RAB10: variants seen among roughly 807,000 people sequenced by gnomAD.
The protein encoded by RAB10 is ras-related protein Rab-10.
Under a neutral mutation model 25.7 loss-of-function variants are expected in RAB10, and 5 were observed. The ratio of observed to expected loss-of-function variants is 0.19; its 90% CI spans 0.10 to 0.41. The LOEUF is 0.41. Ranked by LOEUF, RAB10 falls within the 10% of genes least tolerant of loss-of-function variation. The probability of loss-of-function intolerance (pLI) is 1.00; values close to 1 mark genes in which losing one functional copy is unlikely to be tolerated. For missense variants in RAB10, 103 were observed against 245.8 expected (o/e 0.42, Z 3.89); for synonymous variants, 89 against 86.4 (o/e 1.03, Z -0.16).
rs756777839 is a variant in RAB10, at chr2:26,044,547, G to GTT, written c.127+9826_127+9827dup. Among the ~76,000 whole-genome samples the GTT allele has an allele frequency of 2.3e-3, 329 of 142,388 alleles. 2 individuals are homozygous for GTT. The highest frequency in any genetic ancestry group is 0.014 in the South Asian group (61 of 4,414). 93.4% of individuals were successfully genotyped at this position (142,388 alleles called of 152,430 possible). ...GGCCAAAAGGCCACATGGCTAATTA[G>GTT]TTTTTTTTTTTTTTTGAGATAGAGT... is the stretch of plus-strand genomic sequence containing the variant. On this transcript the variant is annotated intron_variant, in intron 1 of 5. Coordinates refer to ENST00000264710, the MANE Select transcript of RAB10 (RefSeq NM_016131.5).
At chr2:26,073,076 C>T (rs1480831423) in intron 1 of RAB10, among the ~76,000 whole-genome samples, 1 of 152,174 alleles carries the variant, frequency 6.6e-6, no homozygotes, top group Non-Finnish European at 1.5e-5. Flanking sequence ...AGATTTATCT[C>T]AAGCTTATCT....
chr2:26,054,975 C>T (rs1226170689), intron 1 of RAB10, among the ~76,000 whole-genome samples: 1 of 144,916 alleles, frequency 6.9e-6, no homozygotes, highest in East Asian at 2.0e-4. Flanking sequence ...AGTGAGACCC[C>T]ACCTTAAAAA....
intron 3 of RAB10, among the ~76,000 whole-genome samples, chr2:26,126,606 C>A (rs956649404): frequency 6.6e-6 from 1 of 152,128 alleles, no homozygotes; most frequent in Non-Finnish European, 1.5e-5. Context: ...AAGAGAGATT[C>A]TTTTGATGTT....
chr2:26,132,659 T>G (rs910913199), intron 5 of RAB10, among the ~76,000 whole-genome samples: 1 of 152,176 alleles, frequency 6.6e-6, no homozygotes, highest in Non-Finnish European at 1.5e-5. Context: ...CTTTTCTTAT[T>G]CTTAGCTAGG....
intron 1 of RAB10, among the ~76,000 whole-genome samples, chr2:26,091,327 T>C (rs916366648): frequency 6.6e-6 from 1 of 151,956 alleles, no homozygotes; most frequent in South Asian, 2.1e-4. Flanking sequence ...GTGGGAAACA[T>C]AGAGAAATAT....
intron 5 of RAB10, among the ~76,000 whole-genome samples, chr2:26,128,885 G>A (rs577348675): frequency 2.0e-5 from 3 of 152,236 alleles, no homozygotes; most frequent in South Asian, 2.1e-4. Context: ...ATTTTCCCTC[G>A]AGTGAATAGG....
chr2:26,103,052 C>T (rs78482355), intron 2 of RAB10, among the ~76,000 whole-genome samples: 1,986 of 152,156 alleles, frequency 0.013, 30 homozygotes, highest in South Asian at 0.039. Flanking sequence ...GTTCATTATC[C>T]CTCCTTATTG....
Position 26,034,562 on chromosome 2 carries a change from C to T in RAB10, c.-47C>T, listed in dbSNP as rs368543284. On this transcript the variant is annotated 5_prime_UTR_variant, in exon 1 of 6. Coordinates refer to ENST00000264710, the MANE Select transcript of RAB10 (RefSeq NM_016131.5). ...AGGAGTTGGCCGTAGTGAGAGGGAC[C>T]GATCCCTTGGGGCCGCCGGCGGCGA... 16 of 1,610,962 alleles carry T rather than the reference C, an allele frequency of 9.9e-6. No homozygotes were observed. Among genetic ancestry groups the T allele is most frequent in the Admixed American group, 1.7e-5 (1 of 59,888 alleles).
chr2:26,065,512 G>A (rs1666496395), intron 1 of RAB10, among the ~76,000 whole-genome samples: 2 of 151,356 alleles, frequency 1.3e-5, no homozygotes, highest in South Asian at 4.2e-4. Context: ...TTTTTTTGTG[G>A]CACTTCAGTT....
intron 1 of RAB10, among the ~76,000 whole-genome samples, chr2:26,056,784 AC>A (rs1302918420): frequency 3.3e-5 from 5 of 151,632 alleles, no homozygotes; most frequent in African/African-American, 9.8e-5. Flanking sequence ...ATGCCACCAC[AC>A]CCAGCTAGAT....
intron 1 of RAB10, among the ~76,000 whole-genome samples, chr2:26,046,480 G>C (rs993955358): frequency 2.6e-5 from 4 of 152,190 alleles, no homozygotes; most frequent in Non-Finnish European, 5.9e-5. Flanking sequence ...GTGATTGCTT[G>C]ATGTTTATTC....
chr2:26,068,502 G>A (rs1050119087), intron 1 of RAB10, among the ~76,000 whole-genome samples: 3 of 152,106 alleles, frequency 2.0e-5, no homozygotes, highest in African/African-American at 4.8e-5. Flanking sequence ...GATTATGAGC[G>A]ATTATATGTG....
chr2:26,106,827 A>G (rs1341910430), intron 2 of RAB10, among the ~76,000 whole-genome samples: 9 of 151,934 alleles, frequency 5.9e-5, no homozygotes, highest in South Asian at 2.1e-4. Context: ...AGAGGTTGCA[A>G]TGTGCCGAGA....
chr2:26,079,142 G>A (rs1666805222), intron 1 of RAB10, among the ~76,000 whole-genome samples: 1 of 152,136 alleles, frequency 6.6e-6, no homozygotes, highest in African/African-American at 2.4e-5. Context: ...AGCTGAGATT[G>A]TGCCATTACA....
chr2:26,131,172 CA>C lies in RAB10; in HGVS notation c.519+3222del, dbSNP rs370054876. On this transcript the variant is annotated intron_variant, in intron 5 of 5. Coordinates refer to ENST00000264710, the MANE Select transcript of RAB10 (RefSeq NM_016131.5). ...AAATAAAGATCTCAGTCTAGACTTG[CA>C]GGGGTGTCCAATCTTTTGGCTTCCC... is the stretch of plus-strand genomic sequence containing the variant. Among the ~76,000 whole-genome samples the C allele has an allele frequency of 8.0e-4, 122 of 151,978 alleles. No individual in the cohort carries two copies. The South Asian group carries it at 0.019, about 24-fold the overall frequency.
Position 26,045,308 on chromosome 2 carries a change from C to T in RAB10, c.127+10573C>T, listed in dbSNP as rs190908545. 7.9e-5 allele frequency among the ~76,000 whole-genome samples: 12 copies of T among 151,430 alleles called. No homozygotes were observed. The South Asian group carries it at 1.7e-3, about 21-fold the overall frequency. ...AGGCTGGAGTGCAGTGGCACAATCT[C>T]GGCTCACTGCAAGCTCCGCCTCCCG... On this transcript the variant is annotated intron_variant, in intron 1 of 5. Coordinates refer to ENST00000264710, the MANE Select transcript of RAB10 (RefSeq NM_016131.5).
chr2:26,103,960 T>C (rs1667413556), intron 2 of RAB10, among the ~76,000 whole-genome samples: 1 of 152,250 alleles, frequency 6.6e-6, no homozygotes, highest in African/African-American at 2.4e-5. Context: ...TGTATGGATA[T>C]ACCACATTTT....
intron 1 of RAB10, among the ~76,000 whole-genome samples, chr2:26,083,643 T>C (rs1666918203): frequency 6.6e-6 from 1 of 151,996 alleles, no homozygotes; most frequent in African/African-American, 2.4e-5. Context: ...TTTTGTATGC[T>C]AGTAGCTGGG....
At position 26,034,531 on chromosome 2, in the gene RAB10, C is replaced by G. The variant is rs532797211; in HGVS notation, c.-78C>G. 2.0e-5 allele frequency: 32 copies of G among 1,585,108 alleles called. No individual in the cohort carries two copies. The South Asian group carries it at 2.2e-4, about 11-fold the overall frequency. On this transcript the variant is annotated 5_prime_UTR_variant, in exon 1 of 6. Transcript: ENST00000264710. ...CCCGGTCCTCCGGCCTGAGAACGCC[C>G]GAGTGAGGAGTTGGCCGTAGTGAGA... is the stretch of plus-strand genomic sequence containing the variant.
Sources: gnomAD v4.1 joint callset for allele counts (sites outside exome capture counted in the v4.1 genomes callset) on GRCh38, gnomAD v4.1.1 for gene constraint, MANE v1.5 for transcripts, NCBI Gene and HGNC (gene_info 2026-07-23, HGNC 2026-07-21) for gene names.